TP63: variants seen among roughly 807,000 people sequenced by gnomAD.
The protein encoded by TP63 is tumor protein p63.
A neutral mutation model predicts 82.8 loss-of-function variants in TP63; 17 were observed. The observed-to-expected ratio is 0.21, with a 90% CI of 0.14 to 0.31. TP63 has a LOEUF of 0.31. Among genes scored for constraint, TP63 ranks in the 10% least tolerant of loss-of-function variants. The pLI is 1.00. For missense variants in TP63, 648 were observed against 895.3 expected (o/e 0.72, Z 3.52); for synonymous variants, 330 against 321.7 (o/e 1.03, Z -0.28).
intron 8 of TP63, among the ~76,000 whole-genome samples, 160 bp from the exon 9 acceptor site, chr3:189,869,164 G>A (rs1718099128): frequency 6.6e-6 from 1 of 152,052 alleles, no homozygotes; most frequent in Non-Finnish European, 1.5e-5. Context: ...GGACGCTTAG[G>A]GCTAGAGCCT....
chr3:189,794,289 G>C (rs1725465409), intron 3 of TP63, among the ~76,000 whole-genome samples: 1 of 151,982 alleles, frequency 6.6e-6, no homozygotes, highest in Admixed American at 6.6e-5. Flanking sequence ...ACACTAAGAA[G>C]TTTATAGTTC....
At chr3:189,646,129 A>G (rs1712407426) in intron 1 of TP63, among the ~76,000 whole-genome samples, 1 of 147,282 alleles carries the variant, frequency 6.8e-6, no homozygotes, top group Non-Finnish European at 1.5e-5. Context: ...ACCTGGGAAT[A>G]GTATTAGAAA....
At chr3:189,842,104 G>C (rs1310806692) in intron 4 of TP63, among the ~76,000 whole-genome samples, 1 of 152,162 alleles carries the variant, frequency 6.6e-6, no homozygotes, top group African/African-American at 2.4e-5. Flanking sequence ...CCCTTAGGGG[G>C]AGGATAATGT....
In TP63 at chr3:189,867,895, G is replaced by A. The variant is rs552912114; in HGVS notation, c.945G>A (p.Gly315=). 9.3e-6 allele frequency: 15 copies of A among 1,614,006 alleles called. No homozygotes were observed. In the African/African-American group the frequency reaches 1.3e-4, roughly 14 times the overall value. The change falls in exon 7 of 14, where the codon GGG becomes GGA. Residue 315 remains glycine, a synonymous_variant. Transcript: ENST00000264731. ...TGTGTAACAGCAGTTGTGTTGGAGG[G>A]ATGAACCGCCGTCCAATTTTAATCA... is the stretch of plus-strand genomic sequence containing the variant. The part of the protein sequence containing the change: ...NFMCNSSCVG[G]MNRRPILIIV...
intron 3 of TP63, among the ~76,000 whole-genome samples, chr3:189,763,153 A>G (rs758014319): frequency 3.7e-4 from 56 of 152,100 alleles, no homozygotes; most frequent in South Asian, 6.2e-4. Context: ...GCATGCCTGT[A>G]TTCCCAACTA....
chr3:189,784,092 AT>A (rs1384545142), intron 3 of TP63, among the ~76,000 whole-genome samples: 2 of 151,932 alleles, frequency 1.3e-5, no homozygotes, highest in African/African-American at 2.4e-5. Flanking sequence ...GTTGACTTTC[AT>A]TTTTTATTTG....
At chr3:189,624,558 T>C in the TP63 span, among the ~76,000 whole-genome samples, 18 of 152,308 alleles carry the variant, frequency 1.2e-4, no homozygotes, top group African/African-American at 3.8e-4. Context: ...TTGATAGACA[T>C]ACTTGCTGTT....
chr3:189,819,864 C>T (rs1728617989), intron 4 of TP63, among the ~76,000 whole-genome samples: 1 of 149,764 alleles, frequency 6.7e-6, no homozygotes, highest in South Asian at 2.1e-4. Context: ...CAACTCTCTG[C>T]CTCAGCCTCC....
rs1006345413 is a variant in TP63 at position 189,797,088 on chromosome 3, G to A, written c.325-11184G>A. Among the ~76,000 whole-genome samples, 6 of 152,058 alleles carry A rather than the reference G, an allele frequency of 3.9e-5. No homozygotes were observed. The East Asian group carries it at 7.7e-4, about 20-fold the overall frequency. ...GAATGTTAGTGAATGTGTGTGTAAC[G>A]TAAATTGATATTTCATGCAAAACTT... On this transcript the variant is annotated intron_variant, in intron 3 of 13. Transcript: ENST00000264731.
chr3:189,876,791 TA>T (rs1192695269), intron 10 of TP63, among the ~76,000 whole-genome samples: 3 of 152,302 alleles, frequency 2.0e-5, no homozygotes, highest in Admixed American at 6.5e-5. Flanking sequence ...CATGAATGAC[TA>T]AACAAAGAAA....
chr3:189,601,708 A>G, the TP63 span, among the ~76,000 whole-genome samples: 1 of 152,168 alleles, frequency 6.6e-6, no homozygotes, highest in Non-Finnish European at 1.5e-5. Flanking sequence ...TGCTCTAAAT[A>G]TGTGACTTTC....
intron 3 of TP63, among the ~76,000 whole-genome samples, chr3:189,774,302 A>G (rs999871690): frequency 1.3e-5 from 2 of 152,242 alleles, no homozygotes; most frequent in Non-Finnish European, 2.9e-5. Context: ...TCTTAGCTTC[A>G]TATTTATAGT....
At chr3:189,699,846 A>T (rs896471986) in intron 1 of TP63, among the ~76,000 whole-genome samples, 1 of 152,236 alleles carries the variant, frequency 6.6e-6, no homozygotes, top group Non-Finnish European at 1.5e-5. Context: ...AAATTTCAAC[A>T]TTAAATAGTT....
At chr3:189,868,256 C>T (rs1257015212) in intron 7 of TP63, among the ~76,000 whole-genome samples, 2 of 152,134 alleles carry the variant, frequency 1.3e-5, no homozygotes, top group Admixed American at 6.5e-5. Context: ...TTTAAGTCTG[C>T]GCTGCCTTAG....
At position 189,866,658 on chromosome 3, in the gene TP63, C is replaced by T. The variant is rs777527210; in HGVS notation, c.767-24C>T. On this transcript the variant is annotated intron_variant, in intron 5 of 13. Transcript: ENST00000264731. ...TTATTTTTAAGGTAAAGAACTAACTCTTTTATTGTTTTCTGCTCTGCAGGA... is the reference window on the plus strand; with the variant it reads ...TTATTTTTAAGGTAAAGAACTAACTTTTTTATTGTTTTCTGCTCTGCAGGA... 3.7e-6 allele frequency: 6 copies of T among 1,603,428 alleles called. No individual in the cohort carries two copies. In the South Asian group the frequency reaches 6.6e-5, roughly 18 times the overall value.
In TP63 at chr3:189,889,468, GA is replaced by G; in HGVS notation, c.1637del (p.Asp546ValfsTer8). 6.2e-7 allele frequency: 1 copy of G among 1,614,086 alleles called. No homozygotes were observed. The highest frequency in any genetic ancestry group is 8.5e-7 in the Non-Finnish European group (1 of 1,180,000). ...HCTPPPPYPT[D>X]CSIVSFLARL... ...CACACCCCCACCTCCGTATCCCACA[GA>G]TTGCAGCATTGTCAGGTGAGTCCAC... On this transcript the variant is annotated frameshift_variant, in exon 12 of 14. Coordinates refer to ENST00000264731, the MANE Select transcript of TP63 (RefSeq NM_003722.5). LOFTEE classifies it high-confidence loss of function.
At chr3:189,795,876 A>AT (rs1237497128) in intron 3 of TP63, among the ~76,000 whole-genome samples, 1 of 152,032 alleles carries the variant, frequency 6.6e-6, no homozygotes, top group Non-Finnish European at 1.5e-5. Flanking sequence ...AAAGTTGAGG[A>AT]TTACCTTTTC....
chr3:189,766,055 C>T (rs1261244486), intron 3 of TP63, among the ~76,000 whole-genome samples: 1 of 152,078 alleles, frequency 6.6e-6, no homozygotes, highest in African/African-American at 2.4e-5. Flanking sequence ...AACATTGGTG[C>T]ACAGGTGCAA....
At chr3:189,821,948 C>G (rs888642653) in intron 4 of TP63, among the ~76,000 whole-genome samples, 2 of 152,098 alleles carry the variant, frequency 1.3e-5, no homozygotes, top group Admixed American at 6.6e-5. Context: ...GACTATGGCT[C>G]TTTTACTAAA....
Sources: gnomAD v4.1 joint callset for allele counts (sites outside exome capture counted in the v4.1 genomes callset) on GRCh38, gnomAD v4.1.1 for gene constraint, MANE v1.5 for transcripts, NCBI Gene and HGNC (gene_info 2026-07-23, HGNC 2026-07-21) for gene names.